Variants in ATP11C observed in about 807,000 individuals in gnomAD.
The protein encoded by ATP11C is ATPase phospholipid transporting 11C (ATP11C blood group).
Under a neutral mutation model 97.4 loss-of-function variants are expected in ATP11C, and 36 were observed. That is an observed-to-expected ratio of 0.37 (90% CI 0.28 to 0.49). The LOEUF is 0.49. Ranked by LOEUF, ATP11C falls within the 20% of genes least tolerant of loss-of-function variation. The pLI is 0.98. For synonymous variants in ATP11C, 275 were observed against 290.9 expected (o/e 0.95, Z 0.56); for missense variants, 730 against 824.6 (o/e 0.89, Z 1.40).
At chrX:139,766,378 T>C (rs73579543) in intron 20 of ATP11C, among the ~76,000 whole-genome samples, 2,879 of 111,497 alleles carry the variant, frequency 0.026, 100 homozygotes, top group African/African-American at 0.088. Context: ...ATACACTGAA[T>C]GTAAGGAAAA....
At chrX:139,747,554 G>A (rs1366954371) in intron 24 of ATP11C, among the ~76,000 whole-genome samples, 2 of 111,607 alleles carry the variant, frequency 1.8e-5, no homozygotes, top group Non-Finnish European at 3.8e-5. Flanking sequence ...TTTTAAAGCT[G>A]TAGAAGAAAC....
intron 1 of ATP11C, among the ~76,000 whole-genome samples, chrX:139,920,819 G>A (rs947172771): frequency 7.1e-5 from 8 of 111,989 alleles, no homozygotes; most frequent in Non-Finnish European, 1.3e-4. Flanking sequence ...GAGCTGTGTG[G>A]AAGACAGATA....
At chrX:139,882,034 C>T (rs1213696641) in intron 1 of ATP11C, among the ~76,000 whole-genome samples, 2 of 111,627 alleles carry the variant, frequency 1.8e-5, no homozygotes, top group Non-Finnish European at 3.8e-5. Context: ...TATGGCTTTG[C>T]TTAAGCAGTT....
In ATP11C at chrX:139,854,917, TTAAAA is replaced by T. The variant is rs1488827600; in HGVS notation, c.28-28099_28-28095del. Among the ~76,000 whole-genome samples, 7 of 112,109 alleles carry T rather than the reference TTAAAA, an allele frequency of 6.2e-5. No individual in the cohort carries two copies. In the East Asian group the frequency reaches 1.1e-3, roughly 18 times the overall value. ...ATCCAATTTTTCTGTGAACTGGACA[TTAAAA>T]TAAAAACACAAAGGGTTTTTCTTAA... On this transcript the variant is annotated intron_variant, in intron 1 of 29. Transcript: ENST00000682941.
chrX:139,731,569 A>G, intron 29 of ATP11C, 82 bp downstream of exon 29: 1 of 528,914 alleles, frequency 1.9e-6, no homozygotes, highest in Non-Finnish European at 2.9e-6. Context: ...GAGAAAATTT[A>G]GAGAGTGATA....
chrX:139,796,454 G>A lies in ATP11C; in HGVS notation c.1025C>T (p.Thr342Ile). ...RETLKVLKMFTDFLSFMVLFN... is the reference protein window; with the variant it reads ...RETLKVLKMFIDFLSFMVLFN... Reference sequence around the variant, plus strand: ...TAGAACCATAAATGATAGGAAGTCGGTGAACATTTTTAAAACCTAAAATAA... The same window carrying A: ...TAGAACCATAAATGATAGGAAGTCGATGAACATTTTTAAAACCTAAAATAA... The change falls in exon 12 of 30, where the codon ACC becomes ATC. Residue 342 changes from threonine (T) to isoleucine (I), a missense_variant. Thr to Ile is a moderately conservative substitution (Grantham distance 89, BLOSUM62 -1). Transcript: ENST00000682941. 1 of 1,184,666 alleles carries A rather than the reference G, an allele frequency of 8.4e-7. No individual in the cohort carries two copies. Among genetic ancestry groups the A allele is most frequent in the Non-Finnish European group, 1.1e-6 (1 of 875,067 alleles).
At chrX:139,833,283 G>C (rs918654800) in intron 1 of ATP11C, among the ~76,000 whole-genome samples, 4 of 112,074 alleles carry the variant, frequency 3.6e-5, no homozygotes, top group Non-Finnish European at 5.6e-5. Flanking sequence ...TTAATTTAAA[G>C]AGCACATCCA....
chrX:139,826,896 T>C, intron 1 of ATP11C, 73 bp from the exon 2 acceptor site: 2 of 1,076,933 alleles, frequency 1.9e-6, no homozygotes, highest in Admixed American at 2.5e-5. Context: ...CCCATAATTC[T>C]TGTCCAAGCA....
chrX:139,797,552 C>A (rs1251447722), intron 10 of ATP11C, among the ~76,000 whole-genome samples: 1 of 111,587 alleles, frequency 9.0e-6, no homozygotes, highest in Non-Finnish European at 1.9e-5. Flanking sequence ...AGTGCAATGG[C>A]TGACTAGCTG....
chrX:139,854,491 T>C (rs762646237), intron 1 of ATP11C, among the ~76,000 whole-genome samples: 1 of 111,639 alleles, frequency 9.0e-6, no homozygotes, highest in South Asian at 3.8e-4. Flanking sequence ...GTAAAGAGAA[T>C]GTTATATGGT....
At chrX:139,916,214 G>A (rs1479597534) in intron 1 of ATP11C, among the ~76,000 whole-genome samples, 5 of 81,288 alleles carry the variant, frequency 6.2e-5, no homozygotes, top group Admixed American at 1.6e-4. Context: ...GGGTAACAGA[G>A]CAAGACTCTG....
chrX:139,790,162 C>T (rs1351570399), intron 12 of ATP11C, among the ~76,000 whole-genome samples: 1 of 110,891 alleles, frequency 9.0e-6, no homozygotes, highest in African/African-American at 3.3e-5. Flanking sequence ...ACTATAACCT[C>T]AAACTTCTTG....
intron 1 of ATP11C, among the ~76,000 whole-genome samples, chrX:139,856,496 G>C (rs977744983): frequency 8.9e-6 from 1 of 112,659 alleles, no homozygotes; most frequent in African/African-American, 3.2e-5. Flanking sequence ...TGGACACTCT[G>C]CCAAGTAACT....
In ATP11C at chrX:139,932,124, G is replaced by A; in HGVS notation, c.-82C>T. The A allele has an allele frequency of 1.0e-6, 1 of 968,290 alleles. No individual in the cohort carries two copies. Among genetic ancestry groups the A allele is most frequent in the Non-Finnish European group, 1.3e-6 (1 of 750,046 alleles). The allele number at this position is 968,290 out of a possible 1,213,427, so 79.8% of individuals were successfully genotyped here. A position where few individuals can be genotyped will look rare whatever the true frequency, so the allele number is the denominator to read the frequency against. Reference sequence around the variant, plus strand: ...CCGTCCACAAAACACACTGCGGCGTGGGCCGGCGGCGCCAAGCGGAGCAGC... The same window carrying A: ...CCGTCCACAAAACACACTGCGGCGTAGGCCGGCGGCGCCAAGCGGAGCAGC... On this transcript the variant is annotated 5_prime_UTR_variant, in exon 1 of 30. Coordinates refer to ENST00000682941, the MANE Select transcript of ATP11C (RefSeq NM_001353812.2).
chrX:139,886,594 A>C (rs1303035402), intron 1 of ATP11C, among the ~76,000 whole-genome samples: 2 of 108,903 alleles, frequency 1.8e-5, no homozygotes, highest in African/African-American at 6.7e-5. Flanking sequence ...CAAAAAAAAA[A>C]AAAAAAAAAG....
chrX:139,801,723 A>C (rs2082931332), intron 7 of ATP11C, among the ~76,000 whole-genome samples: 1 of 111,556 alleles, frequency 9.0e-6, no homozygotes, highest in African/African-American at 3.3e-5. Flanking sequence ...CAGAGAGCCT[A>C]AGTATAGTAA....
intron 1 of ATP11C, among the ~76,000 whole-genome samples, chrX:139,902,066 T>A (rs940783176): frequency 3.6e-5 from 4 of 111,511 alleles, no homozygotes; most frequent in African/African-American, 1.3e-4. Flanking sequence ...CCCATTCTAT[T>A]CAAAGTCATC....
At chrX:139,889,089 T>C (rs768229629) in intron 1 of ATP11C, among the ~76,000 whole-genome samples, 1 of 112,090 alleles carries the variant, frequency 8.9e-6, no homozygotes, top group South Asian at 3.7e-4. Context: ...ATTACAGGTG[T>C]GAGCCACCAT....
At chrX:139,812,263 A>ACACAATAAT (rs1404588105) in intron 5 of ATP11C, among the ~76,000 whole-genome samples, 87 of 111,961 alleles carry the variant, frequency 7.8e-4, no homozygotes, top group African/African-American at 2.7e-3. Flanking sequence ...ATAGCATCTC[A>ACACAATAAT]CACAATAATT....
Sources: allele counts gnomAD v4.1 joint callset (sites outside exome capture counted in the v4.1 genomes callset), GRCh38; gene constraint gnomAD v4.1.1; transcripts MANE v1.5; gene names NCBI Gene and HGNC (gene_info 2026-07-23, HGNC 2026-07-21).